FBXL13: variants seen among roughly 807,000 people sequenced by gnomAD.
FBXL13 encodes F-box and leucine-rich repeat protein 13.
Under a neutral mutation model 83.6 loss-of-function variants are expected in FBXL13, and 67 were observed. The observed-to-expected ratio is 0.80, with a 90% CI of 0.66 to 0.98. FBXL13 has a LOEUF of 0.98. FBXL13 is among the 50% of genes least tolerant of loss of function. FBXL13 has a pLI of 0.00. For synonymous variants in FBXL13, 272 were observed against 299.5 expected (o/e 0.91, Z 0.95); for missense variants, 822 against 866.5 (o/e 0.95, Z 0.64).
chr7:103,046,940 T>C (rs1271611928), intron 2 of FBXL13: 1 of 152,254 alleles, frequency 6.6e-6, no homozygotes, highest in Non-Finnish European at 1.5e-5. Context: ...CTTTCTCTGA[T>C]GTTCTCAAAA....
At chr7:102,968,589 T>A (rs999138472) in intron 6 of FBXL13, among the ~76,000 whole-genome samples, 4 of 152,204 alleles carry the variant, frequency 2.6e-5, no homozygotes, top group Non-Finnish European at 5.9e-5. Context: ...CATTTTGGCT[T>A]CTACTTCTGG....
chr7:102,827,591 A>G (rs1194323427), intron 18 of FBXL13, among the ~76,000 whole-genome samples: 1 of 151,826 alleles, frequency 6.6e-6, no homozygotes, highest in Non-Finnish European at 1.5e-5. Context: ...TTTGTTACAT[A>G]TGTATACATG....
chr7:102,909,245 A>G (rs777565034), intron 11 of FBXL13, among the ~76,000 whole-genome samples: 1 of 152,102 alleles, frequency 6.6e-6, no homozygotes, highest in Non-Finnish European at 1.5e-5. Context: ...AGGGCTTTTA[A>G]GTCAGCTTGT....
At chr7:102,841,519 AGCTGTTTTTCG>A (rs1210592874) in intron 17 of FBXL13, among the ~76,000 whole-genome samples, 1 of 152,212 alleles carries the variant, frequency 6.6e-6, no homozygotes, top group Non-Finnish European at 1.5e-5. Context: ...TCTCAGCTTC[AGCTGTTTTTCG>A]GCCAAGAAAA....
chr7:102,903,728 T>C lies in FBXL13; in HGVS notation c.1008+9358A>G, dbSNP rs1373561280. On this transcript the variant is annotated intron_variant, in intron 11 of 19. Transcript: ENST00000313221. ...TTTCCAGCATCAACTGAAATGATTATATGGTTTTTATCCTTCATTCTGTTG... is the reference window on the plus strand; with the variant it reads ...TTTCCAGCATCAACTGAAATGATTACATGGTTTTTATCCTTCATTCTGTTG... Among the ~76,000 whole-genome samples, 5 of 152,228 alleles carry C rather than the reference T, an allele frequency of 3.3e-5. No homozygotes were observed. The East Asian group carries it at 7.7e-4, about 23-fold the overall frequency.
At chr7:102,921,696 A>AT (rs1459960650) in intron 10 of FBXL13, among the ~76,000 whole-genome samples, 1 of 152,014 alleles carries the variant, frequency 6.6e-6, no homozygotes, top group African/African-American at 2.4e-5. Context: ...AATAAAAATA[A>AT]AAAATAAAAG....
intron 16 of FBXL13, 98 bp downstream of exon 17, chr7:102,877,369 A>G: frequency 9.5e-7 from 1 of 1,052,898 alleles, no homozygotes; most frequent in Non-Finnish European, 1.3e-6. Context: ...AGAATAACAA[A>G]TAAAACATAT....
At chr7:102,851,911 A>C (rs926279362) in intron 17 of FBXL13, among the ~76,000 whole-genome samples, 1 of 152,144 alleles carries the variant, frequency 6.6e-6, no homozygotes, top group African/African-American at 2.4e-5. Flanking sequence ...GCACGTAATC[A>C]TTTATCCTAG....
At chr7:103,044,802 A>G (rs1796105884) in intron 2 of FBXL13, among the ~76,000 whole-genome samples, 2 of 152,170 alleles carry the variant, frequency 1.3e-5, no homozygotes, top group South Asian at 2.1e-4. Flanking sequence ...CCTCCTTACA[A>G]TGGTTGATTC....
At chr7:102,881,322 G>A (rs1305373542) in intron 14 of FBXL13, among the ~76,000 whole-genome samples, 5 of 150,508 alleles carry the variant, frequency 3.3e-5, no homozygotes, top group Non-Finnish European at 5.9e-5. Context: ...GTGGGTGCCT[G>A]TCTACTTGGG....
At chr7:103,042,269 A>G (rs1018110512) in intron 2 of FBXL13, among the ~76,000 whole-genome samples, 3 of 152,222 alleles carry the variant, frequency 2.0e-5, no homozygotes, top group African/African-American at 7.2e-5. Flanking sequence ...CTTACAAGGG[A>G]TGTGAAGGAC....
chr7:102,934,183 A>G (rs751808706), intron 8 of FBXL13: 2 of 1,614,246 alleles, frequency 1.2e-6, no homozygotes, highest in Non-Finnish European at 8.5e-7. Flanking sequence ...TGCTAGCAAG[A>G]AACAAGATCC....
At chr7:102,906,433 T>G (rs945146895) in intron 11 of FBXL13, among the ~76,000 whole-genome samples, 42 of 152,368 alleles carry the variant, frequency 2.8e-4, no homozygotes, top group African/African-American at 9.4e-4. Flanking sequence ...TGCTTTTCTG[T>G]GTACTTACTA....
At chr7:103,032,162 T>C (rs149610565) in intron 2 of FBXL13, among the ~76,000 whole-genome samples, 131 of 152,280 alleles carry the variant, frequency 8.6e-4, no homozygotes, top group African/African-American at 3.0e-3. Flanking sequence ...TGTAGCATGA[T>C]TACAACCCAG....
chr7:103,016,682 C>T (rs944681035), intron 6 of FBXL13, among the ~76,000 whole-genome samples: 19 of 152,288 alleles, frequency 1.2e-4, no homozygotes, highest in Admixed American at 3.3e-4. Flanking sequence ...GATTATATCC[C>T]GCGCCTGGCT....
intron 10 of FBXL13, among the ~76,000 whole-genome samples, chr7:102,919,150 C>T (rs1326732976): frequency 6.6e-6 from 1 of 152,192 alleles, no homozygotes; most frequent in Non-Finnish European, 1.5e-5. Context: ...AAATCGGCCA[C>T]AGTGGAATTA....
chr7:103,042,111 C>T (rs1795777113), intron 2 of FBXL13, among the ~76,000 whole-genome samples: 1 of 152,154 alleles, frequency 6.6e-6, no homozygotes, highest in Admixed American at 6.5e-5. Flanking sequence ...AGCTGATAAG[C>T]AACTTCAGCA....
chr7:102,974,409 C>T (rs1225409254), intron 6 of FBXL13, among the ~76,000 whole-genome samples: 3 of 152,048 alleles, frequency 2.0e-5, no homozygotes, highest in Non-Finnish European at 2.9e-5. Flanking sequence ...CAAACAAAAA[C>T]CTGCAAACCT....
intron 2 of FBXL13, among the ~76,000 whole-genome samples, chr7:103,050,219 G>C (rs531478317): frequency 3.3e-5 from 5 of 151,948 alleles, no homozygotes; most frequent in Non-Finnish European, 7.4e-5. Flanking sequence ...AGTAATTTTT[G>C]CCATTCATTT....
Sources: allele counts gnomAD v4.1 joint callset (sites outside exome capture counted in the v4.1 genomes callset), GRCh38; gene constraint gnomAD v4.1.1; transcripts MANE v1.5; gene names NCBI Gene and HGNC (gene_info 2026-07-23, HGNC 2026-07-21).